IGF2BP2: variants seen among roughly 807,000 people sequenced by gnomAD.
IGF2BP2 encodes the protein insulin like growth factor 2 mRNA binding protein 2, also known as insulin-like growth factor 2 mRNA-binding protein 2.
IGF2BP2 carries 17 observed loss-of-function variants against 75.8 expected under a neutral mutation model. The ratio of observed to expected loss-of-function variants is 0.22; its 90% CI spans 0.15 to 0.34. The LOEUF (loss-of-function observed/expected upper bound fraction) is 0.34, where lower values mean the gene tolerates loss of function less well. Among genes scored for constraint, IGF2BP2 ranks in the 10% least tolerant of loss-of-function variants. The probability of loss-of-function intolerance (pLI) is 1.00; values close to 1 mark genes in which losing one functional copy is unlikely to be tolerated. For synonymous variants in IGF2BP2, 288 were observed against 295.6 expected (o/e 0.97, Z 0.26); for missense variants, 516 against 772.4 (o/e 0.67, Z 3.93).
At position 185,754,233 on chromosome 3, in the gene IGF2BP2, G is replaced by A. The variant is rs73175571; in HGVS notation, c.240-55886C>T. Among the ~76,000 whole-genome samples, 1,445 of 151,678 alleles carry A rather than the reference G, an allele frequency of 9.5e-3. 15 individuals carry two copies. Among genetic ancestry groups the A allele is most frequent in the Non-Finnish European group, 0.015 (1,014 of 67,862 alleles). The stretch of plus-strand genomic sequence containing the variant: ...CAAAAAATAAATAAAATAAGAATAC[G>A]GGACCTCCCCCATCTCTCTCTTGCT... On this transcript the variant is annotated intron_variant, in intron 2 of 15. Transcript: ENST00000382199.
chr3:185,804,437 A>C (rs1738718379), intron 2 of IGF2BP2, among the ~76,000 whole-genome samples: 2 of 57,834 alleles, frequency 3.5e-5, no homozygotes, highest in Admixed American at 2.7e-4. Flanking sequence ...TGTCTCAAAC[A>C]AAAAAAAAAC....
At chr3:185,786,066 CT>C (rs1735839564) in intron 2 of IGF2BP2, among the ~76,000 whole-genome samples, 2 of 148,302 alleles carry the variant, frequency 1.3e-5, no homozygotes, top group Admixed American at 6.7e-5. Flanking sequence ...TATCGCTCCC[CT>C]AATGAGCTAA....
chr3:185,710,461 G>A (rs978030001), intron 2 of IGF2BP2, among the ~76,000 whole-genome samples: 54 of 152,156 alleles, frequency 3.5e-4, no homozygotes, highest in African/African-American at 1.3e-3. Context: ...GGCCAGGAGC[G>A]ATGGCTCACG....
chr3:185,697,781 T>C (rs550840492), intron 3 of IGF2BP2, among the ~76,000 whole-genome samples: 2 of 152,220 alleles, frequency 1.3e-5, no homozygotes, highest in Admixed American at 1.3e-4. Context: ...ACCTAAGAGT[T>C]CGAGGCCAGC....
At chr3:185,812,547 A>C (rs1740042174) in intron 2 of IGF2BP2, among the ~76,000 whole-genome samples, 1 of 152,178 alleles carries the variant, frequency 6.6e-6, no homozygotes, top group Non-Finnish European at 1.5e-5. Context: ...CAGGGTCTAA[A>C]CTTTCCTCAA....
At chr3:185,712,963 G>T (rs1484084391) in intron 2 of IGF2BP2, among the ~76,000 whole-genome samples, 1 of 152,060 alleles carries the variant, frequency 6.6e-6, no homozygotes, top group Non-Finnish European at 1.5e-5. Flanking sequence ...ATTACTGCCA[G>T]GATACTCTTG....
rs181447637 is a variant in IGF2BP2 at position 185,755,863 on chromosome 3, G to A, written c.240-57516C>T. On this transcript the variant is annotated intron_variant, in intron 2 of 15. Coordinates refer to ENST00000382199, the MANE Select transcript of IGF2BP2 (RefSeq NM_006548.6). Reference sequence around the variant, plus strand: ...ACAGGTTCAGAGGCAGAAGGAAATCGGCTGTGAGTCTCAGATGAGATTTCG... The same window carrying A: ...ACAGGTTCAGAGGCAGAAGGAAATCAGCTGTGAGTCTCAGATGAGATTTCG... 2.3e-4 allele frequency among the ~76,000 whole-genome samples: 35 copies of A among 152,288 alleles called. No individual in the cohort carries two copies. The South Asian group carries it at 3.5e-3, about 15-fold the overall frequency.
intron 2 of IGF2BP2, among the ~76,000 whole-genome samples, chr3:185,751,890 A>C (rs12636352): frequency 6.6e-6 from 1 of 151,860 alleles, no homozygotes; most frequent in Middle Eastern, 3.4e-3. Context: ...AGGAACCCGC[A>C]AGGCAGAGTT....
At chr3:185,739,912 G>A (rs1227845548) in intron 2 of IGF2BP2, among the ~76,000 whole-genome samples, 1 of 123,610 alleles carries the variant, frequency 8.1e-6, no homozygotes, top group Non-Finnish European at 1.6e-5. Context: ...CTGCAGTGCA[G>A]TGGCACAAAT....
At chr3:185,775,470 G>C (rs1338112640) in intron 2 of IGF2BP2, among the ~76,000 whole-genome samples, 2 of 152,182 alleles carry the variant, frequency 1.3e-5, no homozygotes, top group Non-Finnish European at 2.9e-5. Flanking sequence ...TCACACAATG[G>C]TAAGAGCTAG....
intron 10 of IGF2BP2, among the ~76,000 whole-genome samples, 183 bp from the exon 11 acceptor site, chr3:185,658,592 G>A (rs898453592): frequency 3.3e-5 from 5 of 152,200 alleles, no homozygotes; most frequent in African/African-American, 9.7e-5. Flanking sequence ...CTCAGACCAC[G>A]GAATGCTTGG....
intron 2 of IGF2BP2, among the ~76,000 whole-genome samples, chr3:185,810,845 C>T (rs550555578): frequency 5.0e-4 from 76 of 151,160 alleles, no homozygotes; most frequent in Non-Finnish European, 9.9e-4. Flanking sequence ...TTTTACTTTA[C>T]AACATGTTTT....
intron 2 of IGF2BP2, among the ~76,000 whole-genome samples, chr3:185,808,472 C>T: frequency 6.6e-6 from 1 of 152,122 alleles, no homozygotes; most frequent in Non-Finnish European, 1.5e-5. Flanking sequence ...AAGAGCTAAA[C>T]TCCGTCTCAA....
intron 2 of IGF2BP2, among the ~76,000 whole-genome samples, chr3:185,708,864 G>A (rs917036509): frequency 1.3e-5 from 2 of 152,190 alleles, no homozygotes; most frequent in African/African-American, 4.8e-5. Flanking sequence ...GTAAGGCTGA[G>A]TTGTTATGAG....
chr3:185,656,603 G>T (rs1715472917), intron 12 of IGF2BP2, among the ~76,000 whole-genome samples: 1 of 152,226 alleles, frequency 6.6e-6, no homozygotes, highest in South Asian at 2.1e-4. Flanking sequence ...TGAGGCTTGG[G>T]ACGTGCTCAG....
intron 2 of IGF2BP2, among the ~76,000 whole-genome samples, chr3:185,766,907 G>T (rs1266394392): frequency 6.6e-6 from 1 of 152,234 alleles, no homozygotes; most frequent in African/African-American, 2.4e-5. Context: ...ATCCCAAGGT[G>T]TTCACAACAC....
In IGF2BP2 at chr3:185,658,418, T is replaced by C. The variant is rs1278196852; in HGVS notation, c.1201-9A>G. 1.2e-6 allele frequency: 2 copies of C among 1,612,730 alleles called. No individual in the cohort carries two copies. The highest frequency in any genetic ancestry group is 1.7e-6 in the Non-Finnish European group (2 of 1,179,130). On this transcript the variant is annotated splice_polypyrimidine_tract_variant and intron_variant, in intron 10 of 15. Coordinates refer to ENST00000382199, the MANE Select transcript of IGF2BP2 (RefSeq NM_006548.6). ...AAGTATCCGGAGTGGGTCTGCAGCA[T>C]GAGAGAAAGAGTCAGTGGGCGGGTG...
chr3:185,716,360 C>T, intron 2 of IGF2BP2: 1 of 424,500 alleles, frequency 2.4e-6, no homozygotes, highest in South Asian at 1.8e-5. Flanking sequence ...GCCTTTTGGT[C>T]TACAATACAA....
Position 185,677,044 on chromosome 3 carries a change from G to GATATATATTTAT in IGF2BP2, c.813-1132_813-1131insATAAATATATAT, listed in dbSNP as rs1199843330. ...GGAGAGAGATATATATATATATGGA[G>GATATATATTTAT]ATATATATATATATATATATATATA... On this transcript the variant is annotated intron_variant, in intron 7 of 15. Transcript: ENST00000382199. 3.4e-4 allele frequency among the ~76,000 whole-genome samples: 8 copies of GATATATATTTAT among 23,866 alleles called. 2 individuals carry two copies. The highest frequency in any genetic ancestry group is 5.2e-4 in the Non-Finnish European group (8 of 15,346). 15.7% of individuals were successfully genotyped at this position (23,866 alleles called of 152,430 possible).
Sources: allele counts gnomAD v4.1 joint callset (sites outside exome capture counted in the v4.1 genomes callset), GRCh38; gene constraint gnomAD v4.1.1; transcripts MANE v1.5; gene names NCBI Gene and HGNC (gene_info 2026-07-23, HGNC 2026-07-21).